Variants in SCYL2 observed in about 807,000 individuals in gnomAD.
The protein encoded by SCYL2 is SCY1-like protein 2.
A neutral mutation model predicts 100.4 loss-of-function variants in SCYL2; 36 were observed. That is an observed-to-expected ratio of 0.36 (90% CI 0.27 to 0.47). The LOEUF (loss-of-function observed/expected upper bound fraction) is 0.47, where lower values mean the gene tolerates loss of function less well. Among genes scored for constraint, SCYL2 ranks in the 20% least tolerant of loss-of-function variants. The pLI, the probability that SCYL2 is intolerant of heterozygous loss-of-function variation, is 1.00. For synonymous variants in SCYL2, 330 were observed against 359.2 expected, an observed-to-expected ratio of 0.92 and a Z score of 0.92; for missense variants, 902 against 1,083.9, an observed-to-expected ratio of 0.83 and a Z score of 2.36.
At chr12:100,320,569 T>TAAATAAAG in intron 10 of SCYL2, among the ~76,000 whole-genome samples, 1 of 146,978 alleles carries the variant, frequency 6.8e-6, no homozygotes, top group African/African-American at 2.6e-5. Context: ...AATAAATAAA[T>TAAATAAAG]AAATAAATAA....
chr12:100,311,352 C>T (rs534145721), intron 5 of SCYL2, among the ~76,000 whole-genome samples, 159 bp downstream of exon 5: 2 of 151,964 alleles, frequency 1.3e-5, no homozygotes, highest in Non-Finnish European at 1.5e-5. Context: ...TTCTTCGGCA[C>T]ATTACTACCA....
At chr12:100,270,063 T>G (rs2096285907) in intron 1 of SCYL2, among the ~76,000 whole-genome samples, 1 of 151,766 alleles carries the variant, frequency 6.6e-6, no homozygotes, top group African/African-American at 2.4e-5. Flanking sequence ...CTCGGCTCAC[T>G]GCAAGCTCCG....
chr12:100,307,686 C>CT (rs2096336340), intron 4 of SCYL2, among the ~76,000 whole-genome samples: 1 of 152,056 alleles, frequency 6.6e-6, no homozygotes, highest in African/African-American at 2.4e-5. Flanking sequence ...GCAAAAGAAA[C>CT]TATCATCAAA....
intron 4 of SCYL2, among the ~76,000 whole-genome samples, chr12:100,310,537 C>T (rs1398368164): frequency 6.6e-6 from 1 of 152,124 alleles, no homozygotes; most frequent in Non-Finnish European, 1.5e-5. Flanking sequence ...TGACACATTC[C>T]GTGGTGATGT....
chr12:100,331,868 A>G (rs1230022832), intron 13 of SCYL2, among the ~76,000 whole-genome samples: 1 of 152,198 alleles, frequency 6.6e-6, no homozygotes, highest in Non-Finnish European at 1.5e-5. Flanking sequence ...AACTTAGGAA[A>G]ATACATTTTC....
intron 12 of SCYL2, 25 bp downstream of exon 12, chr12:100,326,779 G>C: frequency 6.3e-7 from 1 of 1,597,032 alleles, no homozygotes; most frequent in Non-Finnish European, 8.5e-7. Flanking sequence ...AATGTCATTT[G>C]ATGCTATTTT....
In SCYL2 at chr12:100,341,232, C is replaced by G. The variant is rs556110643; in HGVS notation, c.*2060C>G. ...CCATCAATTGAACTGTTACCATTGC[C>G]TTTTTCTGTTGAGAAATTGCCTCTG... On this transcript the variant is annotated 3_prime_UTR_variant, in exon 18 of 18. Coordinates refer to ENST00000360820, the MANE Select transcript of SCYL2 (RefSeq NM_017988.6). The G allele has an allele frequency of 4.3e-4, 66 of 152,060 alleles. No individual in the cohort carries two copies. Among genetic ancestry groups the G allele is most frequent in the African/African-American group, 1.4e-3 (60 of 41,502 alleles). 9.4% of individuals were successfully genotyped at this position (152,060 alleles called of 1,614,324 possible).
intron 2 of SCYL2, among the ~76,000 whole-genome samples, chr12:100,285,186 C>T (rs2096303160): frequency 6.6e-6 from 1 of 152,228 alleles, no homozygotes; most frequent in Non-Finnish European, 1.5e-5. Flanking sequence ...TACTCATGTC[C>T]TTTCCTGTCA....
At position 100,279,939 on chromosome 12, in the gene SCYL2, A is replaced by G. The variant is rs551267409; in HGVS notation, c.-28-3004A>G. ...TCAGCATAGCTTCATTCACTTTGAA[A>G]TTGTATCTCAGAACTTTCATCTACC... On this transcript the variant is annotated intron_variant, in intron 1 of 17. Transcript: ENST00000360820. Among the ~76,000 whole-genome samples the G allele has an allele frequency of 7.2e-5, 11 of 152,296 alleles. No individual in the cohort carries two copies. In the South Asian group the frequency reaches 1.7e-3, roughly 23 times the overall value.
At chr12:100,331,872 C>T (rs1379708041) in intron 13 of SCYL2, among the ~76,000 whole-genome samples, 1 of 152,038 alleles carries the variant, frequency 6.6e-6, no homozygotes, top group Admixed American at 6.5e-5. Flanking sequence ...TAGGAAAATA[C>T]ATTTTCAGCA....
At chr12:100,328,045 A>G (rs917061629) in intron 12 of SCYL2, among the ~76,000 whole-genome samples, 2 of 152,162 alleles carry the variant, frequency 1.3e-5, no homozygotes, top group African/African-American at 4.8e-5. Context: ...TGGGAGGCCA[A>G]GGTGGGTAGA....
intron 10 of SCYL2, chr12:100,319,219 A>G (rs1262561530): frequency 2.2e-6 from 1 of 455,568 alleles, no homozygotes; most frequent in Admixed American, 2.4e-5. Flanking sequence ...TTTCCTTATA[A>G]TTAGATTTGC....
At position 100,311,072 on chromosome 12, in the gene SCYL2, G is replaced by A. The variant is rs780878210; in HGVS notation, c.509G>A (p.Ser170Asn). 3.8e-6 allele frequency: 6 copies of A among 1,597,776 alleles called. No individual in the cohort carries two copies. In the South Asian group the frequency reaches 6.8e-5, roughly 18 times the overall value. Residue 170 changes from serine to asparagine, a missense_variant, in exon 5 of 18, where the codon AGC becomes AAC. Coordinates refer to ENST00000360820, the MANE Select transcript of SCYL2 (RefSeq NM_017988.6). Reference protein sequence around the residue: ...QVSEGLSFLHSSVKMVHGNIT... With the variant: ...QVSEGLSFLHNSVKMVHGNIT... The stretch of plus-strand genomic sequence containing the variant: ...TCTGAAGGATTGTCATTCTTGCATA[G>A]CAGTGTGAAAATGGTGCATGGAAAT...
intron 1 of SCYL2, among the ~76,000 whole-genome samples, chr12:100,281,400 A>G (rs76587606): frequency 0.043 from 6,611 of 152,120 alleles, 166 homozygotes; most frequent in South Asian, 0.083. Flanking sequence ...TAAAATACCA[A>G]TTTGGGCTAG....
chr12:100,280,411 G>C (rs2096296799), intron 1 of SCYL2, among the ~76,000 whole-genome samples: 1 of 152,108 alleles, frequency 6.6e-6, no homozygotes, highest in Non-Finnish European at 1.5e-5. Context: ...TCTCTTTGAA[G>C]TCTTTACCTG....
chr12:100,297,808 C>G (rs1487662615), intron 3 of SCYL2, among the ~76,000 whole-genome samples: 1 of 151,898 alleles, frequency 6.6e-6, no homozygotes, highest in African/African-American at 2.4e-5. Flanking sequence ...GCAGTTATCA[C>G]AACACTTAGT....
chr12:100,308,021 T>C (rs574776903), intron 4 of SCYL2, among the ~76,000 whole-genome samples: 14 of 152,258 alleles, frequency 9.2e-5, no homozygotes, highest in African/African-American at 3.1e-4. Context: ...GAAATAGGAA[T>C]GCTTTTACAC....
intron 3 of SCYL2, among the ~76,000 whole-genome samples, chr12:100,295,332 G>T (rs2096318228): frequency 6.6e-6 from 1 of 152,216 alleles, no homozygotes; most frequent in Non-Finnish European, 1.5e-5. Context: ...GGCACTTTGG[G>T]AGGCCAAGGC....
rs950622465 is a variant in SCYL2 at position 100,341,018 on chromosome 12, T to G, written c.*1846T>G. On this transcript the variant is annotated 3_prime_UTR_variant, in exon 18 of 18. Transcript: ENST00000360820. ...TTGTAAAATAACATGATGTTAGTGT[T>G]GAACTCTTAAACAGAAAGAAAGCTT... 3 of 152,076 alleles carry G rather than the reference T, an allele frequency of 2.0e-5. No homozygotes were observed. Among genetic ancestry groups the G allele is most frequent in the African/African-American group, 7.2e-5 (3 of 41,442 alleles). The allele number at this position is 152,076 out of a possible 1,614,324, so 9.4% of individuals were successfully genotyped here.
Sources: gnomAD v4.1 joint callset for allele counts (sites outside exome capture counted in the v4.1 genomes callset) on GRCh38, gnomAD v4.1.1 for gene constraint, MANE v1.5 for transcripts, NCBI Gene and HGNC (gene_info 2026-07-23, HGNC 2026-07-21) for gene names.